The following OTOG variants were observed in gnomAD, a reference collection of about 807,000 sequenced individuals.
OTOG encodes the protein otogelin.
Under a neutral mutation model 313.8 loss-of-function variants are expected in OTOG, and 296 were observed. The ratio of observed to expected loss-of-function variants is 0.94; its 90% CI spans 0.86 to 1.04. The LOEUF (loss-of-function observed/expected upper bound fraction) is 1.04, where lower values mean the gene tolerates loss of function less well. Among genes scored for constraint, OTOG ranks in the 50% least tolerant of loss-of-function variants. The pLI is 0.00. For missense variants in OTOG, 3,948 were observed against 3,840.1 expected, an observed-to-expected ratio of 1.03 and a Z score of -0.74; for synonymous variants, 1,533 against 1,554.9, an observed-to-expected ratio of 0.99 and a Z score of 0.33.
At chr11:17,557,450 G>A (rs1852080887) in intron 8 of OTOG, 127 bp downstream of exon 8, 2 of 868,932 alleles carry the variant, frequency 2.3e-6, no homozygotes, top group Non-Finnish European at 1.8e-6. Context: ...AGACCCAATG[G>A]AAGGCCAAGG....
At chr11:17,594,686 C>T (rs534854951) in intron 28 of OTOG, among the ~76,000 whole-genome samples, 22 of 152,282 alleles carry the variant, frequency 1.4e-4, no homozygotes, top group Admixed American at 1.3e-4. Flanking sequence ...GGACAGTCTG[C>T]GAGATGTCTA....
In OTOG at chr11:17,599,783, G is replaced by A. The variant is rs571736564; in HGVS notation, c.3709+86G>A. The A allele has an allele frequency of 1.3e-3, 1,818 of 1,453,426 alleles. 6 individuals are homozygous for A. Among genetic ancestry groups the A allele is most frequent in the Middle Eastern group, 5.7e-3 (33 of 5,826 alleles). The allele number at this position is 1,453,426 out of a possible 1,614,324, so 90.0% of individuals were successfully genotyped here. On this transcript the variant is annotated intron_variant, in intron 31 of 55. Transcript: ENST00000399397. ...CGCCACACAGCATCAGCCATCCCGA[G>A]GCGCTGCTGGCCCTGGAAGAGCCGT...
At chr11:17,618,774 A>G (rs1477515071) in intron 39 of OTOG, among the ~76,000 whole-genome samples, 1 of 152,152 alleles carries the variant, frequency 6.6e-6, no homozygotes. Context: ...CCTTTTGATG[A>G]ATTAACTCTT....
chr11:17,557,472 A>G, intron 8 of OTOG, 149 bp downstream of exon 8: 1 of 744,414 alleles, frequency 1.3e-6, no homozygotes. Flanking sequence ...CCCCTTCCTA[A>G]CAAATGTGTG....
At chr11:17,636,523 G>A (rs943692850) in intron 47 of OTOG, among the ~76,000 whole-genome samples, 5 of 152,286 alleles carry the variant, frequency 3.3e-5, no homozygotes, top group Middle Eastern at 6.8e-3. Context: ...TTGGTTCAAT[G>A]TGAAGAGCCA....
chr11:17,587,050 G>A (rs1852811403), intron 24 of OTOG, among the ~76,000 whole-genome samples: 1 of 152,240 alleles, frequency 6.6e-6, no homozygotes, highest in Non-Finnish European at 1.5e-5. Flanking sequence ...TTTAAAATGT[G>A]TGCACATGTA....
chr11:17,629,782 A>G (rs956635501), intron 40 of OTOG, among the ~76,000 whole-genome samples: 4 of 152,196 alleles, frequency 2.6e-5, no homozygotes, highest in Admixed American at 6.5e-5. Flanking sequence ...ACACAGAACT[A>G]ATGCTCTTCA....
chr11:17,562,047 ATAT>A (rs1353870979), intron 15 of OTOG, among the ~76,000 whole-genome samples: 99 of 105,362 alleles, frequency 9.4e-4, no homozygotes, highest in South Asian at 2.7e-3. Context: ...TAAAAAAAAA[ATAT>A]ATATATATAT....
intron 3 of OTOG, 71 bp downstream of exon 3, chr11:17,548,283 G>A: frequency 7.3e-7 from 1 of 1,369,818 alleles, no homozygotes; most frequent in Non-Finnish European, 9.9e-7. Flanking sequence ...GGCTGGCAGG[G>A]AGCTCTGTAG....
At chr11:17,641,983 G>T in intron 52 of OTOG, 32 bp downstream of exon 52, 1 of 1,544,826 alleles carries the variant, frequency 6.5e-7, no homozygotes, top group Non-Finnish European at 8.7e-7. Context: ...CACTTAGGAG[G>T]GTGTCCCAGA....
At chr11:17,599,203 A>G (rs577692862) in intron 30 of OTOG, among the ~76,000 whole-genome samples, 1 of 152,302 alleles carries the variant, frequency 6.6e-6, no homozygotes, top group African/African-American at 2.4e-5. Flanking sequence ...TCTGCAGTGC[A>G]AGGGGCTTGA....
At chr11:17,551,827 T>A (rs1851940489) in intron 3 of OTOG, among the ~76,000 whole-genome samples, 173 bp from the exon 4 acceptor site, 1 of 152,070 alleles carries the variant, frequency 6.6e-6, no homozygotes, top group Non-Finnish European at 1.5e-5. Flanking sequence ...GGCCTAAACA[T>A]TCTCCTCTGC....
Position 17,617,720 on chromosome 11 carries a change from C to T in OTOG, c.6528+4019C>T, listed in dbSNP as rs1451823174. On this transcript the variant is annotated intron_variant, in intron 39 of 55. Transcript: ENST00000399397. ...TTTCCCTGACTAGCCTGGCTAGAGGCTTATCAAACTTACTGTCCTTCTCAA... is the reference window on the plus strand; with the variant it reads ...TTTCCCTGACTAGCCTGGCTAGAGGTTTATCAAACTTACTGTCCTTCTCAA... 2.0e-5 allele frequency among the ~76,000 whole-genome samples: 3 copies of T among 152,216 alleles called. No individual in the cohort carries two copies. In the East Asian group the frequency reaches 5.8e-4, roughly 29 times the overall value.
chr11:17,641,979 G>T (rs1013925292), intron 52 of OTOG, 28 bp downstream of exon 52: 16 of 1,545,932 alleles, frequency 1.0e-5, no homozygotes, highest in Non-Finnish European at 1.3e-5. Flanking sequence ...TGCCCACTTA[G>T]GAGGGTGTCC....
At position 17,634,038 on chromosome 11, in the gene OTOG, G is replaced by A. The variant is rs1281296558; in HGVS notation, c.7268-31G>A. 3 of 1,530,464 alleles carry A rather than the reference G, an allele frequency of 2.0e-6. No individual in the cohort carries two copies. In the African/African-American group the frequency reaches 4.1e-5, roughly 21 times the overall value. The allele number at this position is 1,530,464 out of a possible 1,614,324, so 94.8% of individuals were successfully genotyped here. ...GGAAGGTCTGGGCTCACCTTCCTCA[G>A]TCCCTCGCACCCTGCCATTCCCCTC... On this transcript the variant is annotated intron_variant, in intron 43 of 55. Coordinates refer to ENST00000399397, the MANE Select transcript of OTOG (RefSeq NM_001292063.2).
chr11:17,594,672 C>T (rs1328818830), intron 28 of OTOG, among the ~76,000 whole-genome samples: 2 of 152,194 alleles, frequency 1.3e-5, no homozygotes. Context: ...GGGGTCTGCC[C>T]AAAGGACAGT....
In OTOG at chr11:17,629,322, G is replaced by A. The variant is rs529947918; in HGVS notation, c.6712+6G>A. On this transcript the variant is annotated splice_donor_region_variant and intron_variant, in intron 40 of 55. Transcript: ENST00000399397. ...CCAGGGCCATGGCCTGTGCGGTGAG[G>A]TGGAACCCAGCTTGCGGGGAGGGGA... is the stretch of plus-strand genomic sequence containing the variant. The A allele has an allele frequency of 1.2e-5, 19 of 1,543,244 alleles. No individual in the cohort carries two copies. The highest frequency in any genetic ancestry group is 6.0e-5 in the South Asian group (5 of 83,356).
chr11:17,570,103 G>A (rs1475630488), intron 16 of OTOG, 110 bp from the exon 17 acceptor site: 19 of 1,003,588 alleles, frequency 1.9e-5, no homozygotes, highest in Non-Finnish European at 2.8e-5. Context: ...CAGGCAGGGG[G>A]CGAAGACTGG....
At chr11:17,596,176 C>A in intron 29 of OTOG, 22 bp downstream of exon 29, 1 of 1,515,376 alleles carries the variant, frequency 6.6e-7, no homozygotes, top group Non-Finnish European at 9.0e-7. Flanking sequence ...CCAGCCTCGG[C>A]TCCTCCCGAG....
Sources: allele counts gnomAD v4.1 joint callset (sites outside exome capture counted in the v4.1 genomes callset), GRCh38; gene constraint gnomAD v4.1.1; transcripts MANE v1.5; gene names NCBI Gene and HGNC (gene_info 2026-07-23, HGNC 2026-07-21).